DTNBP1: variants seen among roughly 807,000 people sequenced by gnomAD.
DTNBP1 encodes the protein dystrobrevin binding protein 1, also known as dysbindin.
In DTNBP1, 35 loss-of-function variants were observed where a neutral mutation model predicts 42.8. The observed-to-expected ratio is 0.82, with a 90% CI of 0.63 to 1.09. The LOEUF (loss-of-function observed/expected upper bound fraction) is 1.09. Ranked by LOEUF, DTNBP1 falls within the 50% of genes least tolerant of loss-of-function variation. The pLI is 0.00. For missense variants in DTNBP1, 457 were observed against 424.2 expected (o/e 1.08, Z -0.68); for synonymous variants, 171 against 162.2 (o/e 1.05, Z -0.41).
intron 5 of DTNBP1, among the ~76,000 whole-genome samples, chr6:15,619,907 C>CT (rs67536821): frequency 0.16 from 23,087 of 144,672 alleles, 1,932 homozygotes; most frequent in East Asian, 0.31. Context: ...GGTCTTATTC[C>CT]TTTTTTTTTT....
intron 7 of DTNBP1, among the ~76,000 whole-genome samples, chr6:15,546,491 T>C (rs1773889610): frequency 6.6e-6 from 1 of 152,156 alleles, no homozygotes; most frequent in East Asian, 1.9e-4. Context: ...CATTAAGGAA[T>C]CTAAGACCTT....
At chr6:15,584,338 T>G (rs73371528) in intron 7 of DTNBP1, among the ~76,000 whole-genome samples, 3,886 of 152,184 alleles carry the variant, frequency 0.026, 182 homozygotes, top group African/African-American at 0.088. Context: ...TTTAAGATAA[T>G]GACTGAGAGA....
chr6:15,563,871 C>T (rs12190321), intron 7 of DTNBP1, among the ~76,000 whole-genome samples: 2 of 152,086 alleles, frequency 1.3e-5, no homozygotes, highest in Non-Finnish European at 1.5e-5. Context: ...GTCAGGAGTT[C>T]GAGACCAGCC....
At chr6:15,555,290 C>G (rs966649773) in intron 7 of DTNBP1, among the ~76,000 whole-genome samples, 4 of 151,660 alleles carry the variant, frequency 2.6e-5, no homozygotes, top group Admixed American at 6.6e-5. Context: ...CTAAAATGAT[C>G]CAGCAATATT....
chr6:15,574,997 C>T (rs1199616359), intron 7 of DTNBP1, among the ~76,000 whole-genome samples: 1 of 152,186 alleles, frequency 6.6e-6, no homozygotes. Flanking sequence ...GCTATATGTT[C>T]TCTGAATACA....
At chr6:15,551,157 GA>G (rs922279713) in intron 7 of DTNBP1, among the ~76,000 whole-genome samples, 129 of 149,372 alleles carry the variant, frequency 8.6e-4, no homozygotes, top group South Asian at 4.9e-3. Context: ...GAGGTGATGT[GA>G]AAAAAAAAAT....
intron 7 of DTNBP1, among the ~76,000 whole-genome samples, chr6:15,583,374 A>G (rs1775922279): frequency 6.6e-6 from 1 of 152,196 alleles, no homozygotes; most frequent in Admixed American, 6.5e-5. Context: ...TCAGTTGGCC[A>G]CTTGACTTCT....
At chr6:15,533,488 A>T in intron 7 of DTNBP1, 93 bp from the exon 8 acceptor site, 1 of 1,599,678 alleles carries the variant, frequency 6.3e-7, no homozygotes. Context: ...CTCCAAGTGG[A>T]TGGAGTCATG....
intron 3 of DTNBP1, among the ~76,000 whole-genome samples, chr6:15,646,119 A>G (rs2113793875): frequency 6.6e-6 from 1 of 152,076 alleles, no homozygotes; most frequent in African/African-American, 2.4e-5. Flanking sequence ...GCAATGTACA[A>G]AACTCCACAG....
At chr6:15,604,647 G>C (rs1757918877) in intron 6 of DTNBP1, among the ~76,000 whole-genome samples, 1 of 151,988 alleles carries the variant, frequency 6.6e-6, no homozygotes, top group Non-Finnish European at 1.5e-5. Flanking sequence ...AACATACACT[G>C]GTCAAACGCC....
chr6:15,627,801 AAC>A, intron 4 of DTNBP1, among the ~76,000 whole-genome samples: 1 of 151,920 alleles, frequency 6.6e-6, no homozygotes, highest in South Asian at 2.1e-4. Context: ...AAAAAAAAAA[AAC>A]AAAAACAAAA....
chr6:15,609,081 T>C (rs556224674), intron 6 of DTNBP1, among the ~76,000 whole-genome samples: 3 of 152,230 alleles, frequency 2.0e-5, no homozygotes, highest in African/African-American at 7.2e-5. Context: ...TATCTTAACA[T>C]TCTTAGTTTT....
At chr6:15,578,451 T>C (rs1040356371) in intron 7 of DTNBP1, among the ~76,000 whole-genome samples, 5 of 152,220 alleles carry the variant, frequency 3.3e-5, no homozygotes, top group African/African-American at 1.2e-4. Context: ...TTATGTTTTC[T>C]TCTAGCTACA....
chr6:15,565,169 T>C (rs1461616780), intron 7 of DTNBP1, among the ~76,000 whole-genome samples: 1 of 152,192 alleles, frequency 6.6e-6, no homozygotes. Flanking sequence ...TGTATTAAAA[T>C]AGACAAACAA....
At chr6:15,545,980 A>C in intron 7 of DTNBP1, 13 of 433,198 alleles carry the variant, frequency 3.0e-5, no homozygotes, top group South Asian at 2.1e-4. Flanking sequence ...CTCACCTCCC[A>C]CCATGCACCC....
intron 1 of DTNBP1, 52 bp from the exon 2 acceptor site, chr6:15,652,192 AT>A: frequency 4.9e-6 from 7 of 1,437,628 alleles, no homozygotes; most frequent in South Asian, 1.3e-5. Context: ...GATTATTATT[AT>A]TTTTTTGAGA....
At chr6:15,606,812 T>C (rs1234214124) in intron 6 of DTNBP1, among the ~76,000 whole-genome samples, 11 of 152,174 alleles carry the variant, frequency 7.2e-5, no homozygotes, top group Admixed American at 7.2e-4. Context: ...TTGCATAGCA[T>C]CTTGTTAAAA....
At chr6:15,524,305 T>C (rs560701419) in intron 9 of DTNBP1, 53 of 1,610,190 alleles carry the variant, frequency 3.3e-5, no homozygotes, top group Non-Finnish European at 4.2e-5. Context: ...GTTACCGGAG[T>C]GGAGCATGTC....
At chr6:15,566,030 AAAAC>A (rs1775057085) in intron 7 of DTNBP1, among the ~76,000 whole-genome samples, 3 of 152,208 alleles carry the variant, frequency 2.0e-5, no homozygotes, top group Non-Finnish European at 4.4e-5. Context: ...CCAAGACTGA[AAAAC>A]AAACATAAAA....
Sources: gnomAD v4.1 joint callset for allele counts (sites outside exome capture counted in the v4.1 genomes callset) on GRCh38, gnomAD v4.1.1 for gene constraint, MANE v1.5 for transcripts, NCBI Gene and HGNC (gene_info 2026-07-23, HGNC 2026-07-21) for gene names.